Variants in ZFHX3 observed in about 807,000 individuals in gnomAD.
ZFHX3 encodes the protein zinc finger homeobox protein 3.
A neutral mutation model predicts 279.1 loss-of-function variants in ZFHX3; 42 were observed. The ratio of observed to expected loss-of-function variants is 0.15; its 90% CI spans 0.12 to 0.19. The LOEUF (loss-of-function observed/expected upper bound fraction) is 0.19, where lower values mean the gene tolerates loss of function less well. Among genes scored for constraint, ZFHX3 ranks in the 10% least tolerant of loss-of-function variants. The probability of loss-of-function intolerance (pLI) is 1.00; values close to 1 mark genes in which losing one functional copy is unlikely to be tolerated. For synonymous variants in ZFHX3, 2,293 were observed against 1,957.8 expected (o/e 1.17, Z -4.52); for missense variants, 4,981 against 4,754.0 (o/e 1.05, Z -1.40).
intron 3 of ZFHX3, among the ~76,000 whole-genome samples, chr16:73,351,169 G>C (rs1729724417): frequency 6.6e-6 from 1 of 152,166 alleles, no homozygotes; most frequent in South Asian, 2.1e-4. Flanking sequence ...TCTTTAAAGA[G>C]AACAAGCAGA....
chr16:73,504,262 G>A (rs2019285999), intron 2 of ZFHX3: 1 of 152,130 alleles, frequency 6.6e-6, no homozygotes, highest in Admixed American at 6.5e-5. Context: ...ACAGTGGCTG[G>A]AGGATGATAC....
chr16:72,968,733 G>A (rs1432263167), intron 1 of ZFHX3, among the ~76,000 whole-genome samples: 1 of 152,134 alleles, frequency 6.6e-6, no homozygotes. Context: ...AAAGTGCTGA[G>A]ATTACAGGCA....
chr16:73,138,838 C>T (rs1396127266), intron 6 of ZFHX3, among the ~76,000 whole-genome samples: 2 of 152,178 alleles, frequency 1.3e-5, no homozygotes, highest in African/African-American at 2.4e-5. Context: ...CAGGCACGCA[C>T]CACTATGCCT....
chr16:73,805,090 C>T (rs1057422114), intron 1 of ZFHX3, among the ~76,000 whole-genome samples: 1 of 152,036 alleles, frequency 6.6e-6, no homozygotes, highest in Non-Finnish European at 1.5e-5. Flanking sequence ...GAGAAAATAC[C>T]CTAACTATAG....
chr16:73,050,285 A>C (rs1965425979), upstream of ZFHX3, among the ~76,000 whole-genome samples: 1 of 152,254 alleles, frequency 6.6e-6, no homozygotes, highest in Non-Finnish European at 1.5e-5. Context: ...ATCTGCCCTA[A>C]TACTGCCACT....
At chr16:73,482,151 G>C (rs952063582) in intron 2 of ZFHX3, among the ~76,000 whole-genome samples, 1 of 152,220 alleles carries the variant, frequency 6.6e-6, no homozygotes, top group Non-Finnish European at 1.5e-5. Context: ...AGAGGGAAGG[G>C]AGTGGAGATT....
chr16:72,846,857 A>C (rs1266011967), intron 4 of ZFHX3, among the ~76,000 whole-genome samples: 1 of 152,188 alleles, frequency 6.6e-6, no homozygotes, highest in Non-Finnish European at 1.5e-5. Context: ...AGAAACACAA[A>C]GAGGGGAAGC....
chr16:73,776,819 C>A (rs2142298345), intron 1 of ZFHX3, among the ~76,000 whole-genome samples: 2 of 152,294 alleles, frequency 1.3e-5, no homozygotes, highest in African/African-American at 4.8e-5. Flanking sequence ...TTATTACATT[C>A]CCGCCTGAAC....
At chr16:73,379,315 C>G (rs1334682294) in intron 3 of ZFHX3, among the ~76,000 whole-genome samples, 1 of 152,074 alleles carries the variant, frequency 6.6e-6, no homozygotes, top group Non-Finnish European at 1.5e-5. Flanking sequence ...CTTCTATTGA[C>G]CCCCAAGCCC....
At chr16:73,329,754 T>C (rs1356571823) in intron 3 of ZFHX3, among the ~76,000 whole-genome samples, 4 of 152,120 alleles carry the variant, frequency 2.6e-5, no homozygotes, top group African/African-American at 4.8e-5. Context: ...CAAATCTAAG[T>C]AGGCACCAAG....
chr16:73,872,534 G>A (rs1237104555), intron 1 of ZFHX3, among the ~76,000 whole-genome samples: 1 of 151,756 alleles, frequency 6.6e-6, no homozygotes, highest in Non-Finnish European at 1.5e-5. Flanking sequence ...TGCCAGGCCA[G>A]GTGATCCTTT....
chr16:73,104,608 G>A (rs1388634142), intron 7 of ZFHX3, among the ~76,000 whole-genome samples: 1 of 152,142 alleles, frequency 6.6e-6, no homozygotes, highest in Non-Finnish European at 1.5e-5. Context: ...GAGACTCTGG[G>A]GGAGTACGTA....
chr16:73,821,017 G>A (rs572891335), intron 1 of ZFHX3, among the ~76,000 whole-genome samples: 1 of 152,172 alleles, frequency 6.6e-6, no homozygotes, highest in Non-Finnish European at 1.5e-5. Flanking sequence ...GACAAATGAT[G>A]GGACTGAGGT....
chr16:73,303,963 G>GGGAAA (rs781722281), intron 4 of ZFHX3, among the ~76,000 whole-genome samples: 1 of 76,122 alleles, frequency 1.3e-5, no homozygotes, highest in Non-Finnish European at 2.7e-5. Context: ...ACCCTAGGTG[G>GGGAAA]AAAAAAAAAA....
chr16:73,106,870 C>T (rs1437093881), intron 7 of ZFHX3, among the ~76,000 whole-genome samples: 4 of 152,192 alleles, frequency 2.6e-5, no homozygotes, highest in Admixed American at 2.6e-4. Context: ...TTGGTCACCA[C>T]ATGAGTAATG....
intron 1 of ZFHX3, among the ~76,000 whole-genome samples, chr16:73,035,815 G>A (rs991280741): frequency 1.3e-5 from 2 of 152,190 alleles, no homozygotes; most frequent in Non-Finnish European, 2.9e-5. Context: ...GAGGCAGGAG[G>A]ACTACTTGAA....
chr16:73,074,386 C>G (rs1039228001), intron 8 of ZFHX3, among the ~76,000 whole-genome samples: 2 of 152,184 alleles, frequency 1.3e-5, no homozygotes, highest in African/African-American at 4.8e-5. Flanking sequence ...ATTTGTTTCA[C>G]TACAGAATAC....
chr16:73,851,840 C>T (rs1001978508), intron 1 of ZFHX3, among the ~76,000 whole-genome samples: 4 of 152,146 alleles, frequency 2.6e-5, no homozygotes, highest in Non-Finnish European at 5.9e-5. Context: ...CCTCCTCACA[C>T]CACCATCTTC....
At chr16:73,110,043 A>T (rs1490402618) in intron 7 of ZFHX3, among the ~76,000 whole-genome samples, 1 of 152,062 alleles carries the variant, frequency 6.6e-6, no homozygotes, top group Non-Finnish European at 1.5e-5. Flanking sequence ...GATCGAGACC[A>T]TCCTGGCTCA....
Sources: gnomAD v4.1 joint callset for allele counts (sites outside exome capture counted in the v4.1 genomes callset) on GRCh38, gnomAD v4.1.1 for gene constraint, MANE v1.5 for transcripts, NCBI Gene and HGNC (gene_info 2026-07-23, HGNC 2026-07-21) for gene names.